Variants in PAK6 observed in about 807,000 individuals in gnomAD.
The protein encoded by PAK6 is p21 (RAC1) activated kinase 6, also known as serine/threonine-protein kinase PAK 6.
In PAK6, 33 loss-of-function variants were observed where a neutral mutation model predicts 60.8. The observed-to-expected ratio is 0.54, with a 90% CI of 0.41 to 0.73. The LOEUF is 0.73. PAK6 is among the 30% of genes least tolerant of loss of function. PAK6 has a pLI of 0.00. For missense variants in PAK6, 845 were observed against 904.1 expected (o/e 0.93, Z 0.84); for synonymous variants, 404 against 378.5 (o/e 1.07, Z -0.78).
intron 10 of PAK6, 144 bp downstream of exon 10, chr15:40,274,420 A>C (rs1595605901): frequency 1.2e-6 from 1 of 843,714 alleles, no homozygotes; most frequent in Non-Finnish European, 1.8e-6. Context: ...CCCACACAAA[A>C]CCCGCACCTG....
intron 2 of PAK6, chr15:40,252,919 C>T (rs1391739006): frequency 6.2e-6 from 7 of 1,120,428 alleles, no homozygotes; most frequent in African/African-American, 1.7e-5. Flanking sequence ...AGCAGTGGGG[C>T]CTGCGAGCTG....
At chr15:40,273,347 C>A in exon 8 of PAK6, 1 of 1,613,470 alleles carries the variant, frequency 6.2e-7, no homozygotes, top group Non-Finnish European at 8.5e-7. Flanking sequence ...CCTGTCCAGG[C>A]TGAATGAGGA....
Position 40,266,267 on chromosome 15 carries a change from G to A in PAK6, c.630G>A (p.Thr210=), listed in dbSNP as rs368535824. 1.1e-5 allele frequency: 18 copies of A among 1,611,016 alleles called. No homozygotes were observed. The African/African-American group carries it at 1.3e-4, about 12-fold the overall frequency. Residue 210 remains threonine, a synonymous_variant, in exon 5 of 11, where the codon ACG becomes ACA. Coordinates refer to ENST00000560346, the Ensembl canonical transcript of PAK6. ...CCCCACCAGGAGCCTCGCCCCCCAC[G>A]GGCACCAATAGGCATGGAATGAAGG...
intron 2 of PAK6, chr15:40,252,635 AG>A (rs2038712056): frequency 1.5e-6 from 2 of 1,335,598 alleles, no homozygotes; most frequent in African/African-American, 3.0e-5. Context: ...CCTCCCGCGG[AG>A]GGCGGGCCCG....
At chr15:40,255,919 T>C (rs1038156731) in intron 3 of PAK6, among the ~76,000 whole-genome samples, 2 of 152,224 alleles carry the variant, frequency 1.3e-5, no homozygotes, top group Non-Finnish European at 1.5e-5. Flanking sequence ...CCATCTCTTC[T>C]GGCTGCAGAA....
At chr15:40,253,241 G>A (rs1472119407) in exon 3 of PAK6, 1 of 456,082 alleles carries the variant, frequency 2.2e-6, no homozygotes, top group Non-Finnish European at 4.4e-6. Flanking sequence ...TAAGAGAGAG[G>A]CCCAGTGCGG....
chr15:40,248,446 G>A (rs1462346948), intron 2 of PAK6, among the ~76,000 whole-genome samples: 2 of 152,198 alleles, frequency 1.3e-5, no homozygotes, highest in Non-Finnish European at 2.9e-5. Context: ...CAGCTCCACA[G>A]GGCTCCTCCT....
chr15:40,246,796 T>C (rs1232470672), intron 2 of PAK6: 1 of 152,364 alleles, frequency 6.6e-6, no homozygotes, highest in Non-Finnish European at 1.5e-5. Context: ...GATGGCAGCA[T>C]GGCACAGACA....
chr15:40,248,432 G>T (rs541464036), intron 2 of PAK6, among the ~76,000 whole-genome samples: 1 of 152,318 alleles, frequency 6.6e-6, no homozygotes, highest in East Asian at 1.9e-4. Flanking sequence ...CCCTCTAGGA[G>T]CCCCAGCTCC....
At chr15:40,271,114 A>G (rs2039288721) in intron 5 of PAK6, among the ~76,000 whole-genome samples, 1 of 152,180 alleles carries the variant, frequency 6.6e-6, no homozygotes, top group African/African-American at 2.4e-5. Context: ...AAGTTCCTAG[A>G]AGGCTTTTTC....
intron 2 of PAK6, chr15:40,252,202 C>G: frequency 9.0e-7 from 1 of 1,115,196 alleles, no homozygotes; most frequent in Non-Finnish European, 1.1e-6. Flanking sequence ...ACGCGGCCCG[C>G]TCAGGTCCGG....
chr15:40,240,484 C>T (rs1267795085), intron 1 of PAK6, 115 bp from the exon 2 acceptor site: 2 of 353,098 alleles, frequency 5.7e-6, no homozygotes, highest in African/African-American at 4.3e-5. Flanking sequence ...GGCTGTGTGC[C>T]CACAGTGGCA....
At chr15:40,268,913 C>G (rs1017135097) in intron 5 of PAK6, among the ~76,000 whole-genome samples, 1 of 152,174 alleles carries the variant, frequency 6.6e-6, no homozygotes, top group Non-Finnish European at 1.5e-5. Context: ...GGGCGTCCTG[C>G]GGGTTCCAGT....
rs1356920081 is a variant in PAK6 at position 40,265,110 on chromosome 15, T to A, written c.204+121T>A. On this transcript the variant is annotated intron_variant, in intron 4 of 10. Coordinates refer to ENST00000560346, the Ensembl canonical transcript of PAK6. The stretch of plus-strand genomic sequence containing the variant: ...ACTTCACAGCTATCAGTTAATCAGC[T>A]GTTTTAACTCCCTGCCTGTCAGCCT... 4 of 900,578 alleles carry A rather than the reference T, an allele frequency of 4.4e-6. No homozygotes were observed. In the East Asian group the frequency reaches 1.1e-4, roughly 24 times the overall value. 55.8% of individuals were successfully genotyped at this position (900,578 alleles called of 1,614,324 possible). A position where few individuals can be genotyped will look rare whatever the true frequency, so the allele number is the denominator to read the frequency against.
chr15:40,242,802 C>T (rs978781862), intron 2 of PAK6, among the ~76,000 whole-genome samples: 7 of 152,192 alleles, frequency 4.6e-5, no homozygotes, highest in Non-Finnish European at 1.0e-4. Flanking sequence ...GACCGTGTCT[C>T]TTCCTGGGAG....
At chr15:40,254,673 C>G (rs1452792381) in intron 3 of PAK6, among the ~76,000 whole-genome samples, 4 of 152,194 alleles carry the variant, frequency 2.6e-5, no homozygotes, top group African/African-American at 9.7e-5. Context: ...GGGCACTGGG[C>G]ATTGTGGATG....
chr15:40,254,573 C>T (rs998790746), intron 3 of PAK6, among the ~76,000 whole-genome samples: 13 of 152,116 alleles, frequency 8.5e-5, no homozygotes, highest in African/African-American at 2.4e-5. Context: ...CAACTGTTGC[C>T]TGGGATAGAG....
At chr15:40,246,940 G>A (rs1389952750) in intron 2 of PAK6, 1 of 152,378 alleles carries the variant, frequency 6.6e-6, no homozygotes, top group Non-Finnish European at 1.5e-5. Flanking sequence ...TGCATCTGGA[G>A]CTAAGGTGTT....
At chr15:40,273,394 C>A in exon 8 of PAK6, 1 of 1,613,942 alleles carries the variant, frequency 6.2e-7, no homozygotes, top group Non-Finnish European at 8.5e-7. Context: ...TGCTGCAGGC[C>A]CTGGCCTACC....
Sources: allele counts gnomAD v4.1 joint callset (sites outside exome capture counted in the v4.1 genomes callset), GRCh38; gene constraint gnomAD v4.1.1; transcripts MANE v1.5; gene names NCBI Gene and HGNC (gene_info 2026-07-23, HGNC 2026-07-21).